Variants in PADI4 observed in about 807,000 individuals in gnomAD.
PADI4 encodes peptidyl arginine deiminase 4, also known as protein-arginine deiminase type-4.
A neutral mutation model predicts 75.0 loss-of-function variants in PADI4; 62 were observed. The observed-to-expected ratio is 0.83, with a 90% CI of 0.67 to 1.02. The LOEUF is 1.02. Among genes scored for constraint, PADI4 ranks in the 50% least tolerant of loss-of-function variants. The pLI is 0.00. For synonymous variants in PADI4, 361 were observed against 348.1 expected (o/e 1.04, Z -0.41); for missense variants, 845 against 850.5 (o/e 0.99, Z 0.08).
At chr1:17,339,058 G>A (rs1345503171) in intron 5 of PADI4, among the ~76,000 whole-genome samples, 1 of 152,132 alleles carries the variant, frequency 6.6e-6, no homozygotes, top group Non-Finnish European at 1.5e-5. Flanking sequence ...ATTCTACGGT[G>A]GGTACAACTC....
intron 15 of PADI4, among the ~76,000 whole-genome samples, chr1:17,360,809 G>A (rs551561185): frequency 8.5e-5 from 13 of 152,314 alleles, no homozygotes; most frequent in East Asian, 5.8e-4. Context: ...TGGAGGGTCC[G>A]GGAAGGCCTC....
Position 17,363,906 on chromosome 1 carries a change from G to T in PADI4, c.*151G>T. The T allele has an allele frequency of 1.7e-6, 1 of 599,440 alleles. No homozygotes were observed. The highest frequency in any genetic ancestry group is 3.0e-6 in the Non-Finnish European group (1 of 330,800). 37.1% of individuals were successfully genotyped at this position (599,440 alleles called of 1,614,324 possible). A position where few individuals can be genotyped will look rare whatever the true frequency, so the allele number is the denominator to read the frequency against. ...TGCTTTCTTCTCCTGTGATGTCCCA[G>T]TTTCCCACTCTGAAGATCCCAACAT... On this transcript the variant is annotated 3_prime_UTR_variant, in exon 16 of 16. Coordinates refer to ENST00000375448, the MANE Select transcript of PADI4 (RefSeq NM_012387.3).
In PADI4 at chr1:17,317,391, C is replaced by T. The variant is rs183793214; in HGVS notation, c.92+9077C>T. On this transcript the variant is annotated intron_variant, in intron 1 of 15. Transcript: ENST00000375448. ...TCAAGCAATTCTCCTGCCTCAGCCT[C>T]CTGAGTAGCTGGGATTACAGACACC... 3.4e-3 allele frequency among the ~76,000 whole-genome samples: 524 copies of T among 152,220 alleles called. 5 individuals carry two copies. Among genetic ancestry groups the T allele is most frequent in the African/African-American group, 0.012 (499 of 41,562 alleles).
At chr1:17,338,400 G>T (rs755155214) in intron 5 of PADI4, among the ~76,000 whole-genome samples, 1 of 152,154 alleles carries the variant, frequency 6.6e-6, no homozygotes, top group Non-Finnish European at 1.5e-5. Flanking sequence ...ACAGGCCCTG[G>T]TTTCCATGCC....
intron 2 of PADI4, among the ~76,000 whole-genome samples, chr1:17,333,083 A>G (rs1446235664): frequency 6.6e-6 from 1 of 152,198 alleles, no homozygotes; most frequent in Non-Finnish European, 1.5e-5. Context: ...GCCAACAAAA[A>G]GTTTTCAGCC....
intron 9 of PADI4, among the ~76,000 whole-genome samples, chr1:17,347,738 G>C (rs1188537076): frequency 6.6e-6 from 1 of 152,220 alleles, no homozygotes; most frequent in Non-Finnish European, 1.5e-5. Context: ...ACTCCTGCAG[G>C]CTCATGGCCT....
chr1:17,334,692 T>C (rs1377687076), intron 3 of PADI4: 3 of 452,116 alleles, frequency 6.6e-6, no homozygotes, highest in African/African-American at 2.0e-5. Context: ...GTTCCTCAAA[T>C]TCCATTATTT....
intron 8 of PADI4, among the ~76,000 whole-genome samples, chr1:17,343,316 T>C (rs2074456805): frequency 1.3e-5 from 2 of 152,198 alleles, no homozygotes; most frequent in South Asian, 4.1e-4. Flanking sequence ...CCATCTGCAT[T>C]TTGGGGAGGC....
intron 8 of PADI4, among the ~76,000 whole-genome samples, chr1:17,342,779 A>G (rs2074446901): frequency 6.6e-6 from 1 of 152,158 alleles, no homozygotes; most frequent in Non-Finnish European, 1.5e-5. Flanking sequence ...GTTTGAGATC[A>G]GCCCAGCCAA....
chr1:17,343,511 T>G (rs2074460589), intron 8 of PADI4, among the ~76,000 whole-genome samples: 1 of 152,196 alleles, frequency 6.6e-6, no homozygotes, highest in South Asian at 2.1e-4. Context: ...GGTGTGACCT[T>G]GAACAGTGAA....
chr1:17,348,357 T>C (rs766449), intron 10 of PADI4: 139,680 of 223,308 alleles, frequency 0.63, 44,632 homozygotes, highest in Non-Finnish European at 0.65. Flanking sequence ...TGCTGCAAGG[T>C]GGAGGTGGGG....
intron 1 of PADI4, 87 bp downstream of exon 1, chr1:17,308,401 C>A: frequency 9.3e-7 from 1 of 1,078,164 alleles, no homozygotes; most frequent in Non-Finnish European, 1.4e-6. Flanking sequence ...ATGTGTTTGG[C>A]CCAGGCTCTA....
At chr1:17,320,641 A>T (rs1040000946) in intron 1 of PADI4, among the ~76,000 whole-genome samples, 1 of 152,172 alleles carries the variant, frequency 6.6e-6, no homozygotes, top group Admixed American at 6.5e-5. Context: ...TAGCATGCTA[A>T]TGTATTATAA....
intron 9 of PADI4, 129 bp from the exon 10 acceptor site, chr1:17,347,812 C>T (rs1015970098): frequency 6.0e-6 from 3 of 499,410 alleles, no homozygotes; most frequent in Non-Finnish European, 1.1e-5. Context: ...TGAGATCAAA[C>T]ATCCCATAGG....
At chr1:17,355,551 A>G (rs1045567341) in intron 11 of PADI4, among the ~76,000 whole-genome samples, 1 of 152,124 alleles carries the variant, frequency 6.6e-6, no homozygotes, top group Non-Finnish European at 1.5e-5. Context: ...AAAAAAAAAA[A>G]AAAGTGAGGA....
rs1366906485 is a variant in PADI4 at position 17,326,951 on chromosome 1, C to T, written c.93-4018C>T. On this transcript the variant is annotated intron_variant, in intron 1 of 15. Coordinates refer to ENST00000375448, the MANE Select transcript of PADI4 (RefSeq NM_012387.3). ...ACAGTCTCACCCTCTCACTCTGTCA[C>T]CCAGGCTGGGGTACAGTGGTGCAAT... Among the ~76,000 whole-genome samples, 4 of 149,072 alleles carry T rather than the reference C, an allele frequency of 2.7e-5. No individual in the cohort carries two copies. In the Admixed American group the frequency reaches 2.7e-4, roughly 10 times the overall value.
At chr1:17,340,516 A>G (rs571828272) in intron 6 of PADI4, among the ~76,000 whole-genome samples, 21 of 152,148 alleles carry the variant, frequency 1.4e-4, no homozygotes, top group African/African-American at 4.8e-4. Context: ...TTCCAGGCAG[A>G]GGGAACGGCA....
chr1:17,331,640 G>A (rs1193609344), intron 2 of PADI4, among the ~76,000 whole-genome samples: 9 of 148,668 alleles, frequency 6.1e-5, no homozygotes, highest in East Asian at 4.0e-4. Flanking sequence ...TGGCCTGGCC[G>A]GGCACAGTGG....
In PADI4 at chr1:17,359,267, C is replaced by T; in HGVS notation, c.1630-13C>T. On this transcript the variant is annotated splice_polypyrimidine_tract_variant and intron_variant, in intron 14 of 15. Transcript: ENST00000375448. ...ATCAGTCCCCCACTCACTGCCCCTG[C>T]CCCTTCCCCAAGAGATGCATCGACT... 2 of 1,604,814 alleles carry T rather than the reference C, an allele frequency of 1.2e-6. No homozygotes were observed. The highest frequency in any genetic ancestry group is 1.7e-6 in the Non-Finnish European group (2 of 1,174,108).
Sources: gnomAD v4.1 joint callset for allele counts (sites outside exome capture counted in the v4.1 genomes callset) on GRCh38, gnomAD v4.1.1 for gene constraint, MANE v1.5 for transcripts, NCBI Gene and HGNC (gene_info 2026-07-23, HGNC 2026-07-21) for gene names.